CD4: variants seen among roughly 807,000 people sequenced by gnomAD.
CD4 encodes the protein T-cell surface glycoprotein CD4.
A neutral mutation model predicts 50.5 loss-of-function variants in CD4; 25 were observed. That is an observed-to-expected ratio of 0.49 (90% CI 0.36 to 0.69). The LOEUF is 0.69. Ranked by LOEUF, CD4 falls within the 30% of genes least tolerant of loss-of-function variation. The pLI is 0.00. For synonymous variants in CD4, 207 were observed against 221.9 expected, an observed-to-expected ratio of 0.93 and a Z score of 0.60; for missense variants, 456 against 548.5, an observed-to-expected ratio of 0.83 and a Z score of 1.68.
intron 1 of CD4, among the ~76,000 whole-genome samples, chr12:6,797,103 G>T (rs771013545): frequency 6.6e-6 from 1 of 152,170 alleles, no homozygotes; most frequent in Non-Finnish European, 1.5e-5. Flanking sequence ...AGCAGGTCTG[G>T]GGTGGGGCCG....
At position 6,818,290 on chromosome 12, in the gene CD4, C is replaced by T. The variant is rs1943157889; in HGVS notation, c.1157-131C>T. 1.7e-6 allele frequency: 2 copies of T among 1,190,002 alleles called. No individual in the cohort carries two copies. Among genetic ancestry groups the T allele is most frequent in the Non-Finnish European group, 1.2e-6 (1 of 842,090 alleles). 73.7% of individuals were successfully genotyped at this position (1,190,002 alleles called of 1,614,324 possible). ...AGCACTGGCGGCCTTTGAGAGCCCCCAGGCACCCCTCCCCTCTCCCCCAAC... is the reference window on the plus strand; with the variant it reads ...AGCACTGGCGGCCTTTGAGAGCCCCTAGGCACCCCTCCCCTCTCCCCCAAC... On this transcript the variant is annotated intron_variant, in intron 7 of 9. Coordinates refer to ENST00000011653, the MANE Select transcript of CD4 (RefSeq NM_000616.5). The surrounding 1 kb of genome is among the most constrained non-coding windows in gnomAD (Gnocchi z 5.0).
chr12:6,816,344 T>C lies in CD4; in HGVS notation c.896T>C (p.Leu299Pro). ...TATGCTGGCTCTGGAAACCTCACCC[T>C]GGCCCTTGAAGCGAAAACAGGAAAG... Reference protein sequence around the residue: ...PQYAGSGNLTLALEAKTGKLH... With the variant: ...PQYAGSGNLTPALEAKTGKLH... Residue 299 changes from leucine (L) to proline (P), a missense_variant, in exon 6 of 10, where the codon CTG (leucine) becomes CCG (proline). By Grantham distance (98) the Leu-to-Pro change is moderately conservative. Coordinates refer to ENST00000011653, the MANE Select transcript of CD4 (RefSeq NM_000616.5). The surrounding 1 kb of genome is among the most constrained non-coding windows in gnomAD (Gnocchi z 4.9). The C allele has an allele frequency of 6.2e-7, 1 of 1,614,000 alleles. No individual in the cohort carries two copies. The highest frequency in any genetic ancestry group is 8.5e-7 in the Non-Finnish European group (1 of 1,179,942).
At position 6,819,500 on chromosome 12, in the gene CD4, G is replaced by A. The variant is rs1943214440; in HGVS notation, c.*171G>A. On this transcript the variant is annotated 3_prime_UTR_variant, in exon 10 of 10. Transcript: ENST00000011653. ...TAGGCCCCGGCTTCACTGGTTGAGT[G>A]TTGCTCTCTAGTTTCCAGAGGCTTA... The A allele has an allele frequency of 3.1e-6, 2 of 652,828 alleles. No individual in the cohort carries two copies. Among genetic ancestry groups the A allele is most frequent in the Admixed American group, 5.0e-5 (2 of 39,612 alleles). 40.4% of individuals were successfully genotyped at this position (652,828 alleles called of 1,614,324 possible). A position where few individuals can be genotyped will look rare whatever the true frequency, so the allele number is the denominator to read the frequency against.
chr12:6,798,426 C>A (rs1417313486), intron 1 of CD4, among the ~76,000 whole-genome samples: 1 of 84,958 alleles, frequency 1.2e-5, no homozygotes, highest in East Asian at 1.9e-4. Context: ...CCCGCCTTGG[C>A]CTCCCAAAAT....
intron 1 of CD4, among the ~76,000 whole-genome samples, chr12:6,797,230 C>G (rs1942398997): frequency 6.6e-6 from 1 of 152,050 alleles, no homozygotes; most frequent in East Asian, 1.9e-4. Context: ...TTCAGAGCCT[C>G]TCTGCCCTGC....
intron 7 of CD4, among the ~76,000 whole-genome samples, chr12:6,817,601 T>C (rs1205460838): frequency 6.6e-6 from 1 of 151,316 alleles, no homozygotes; most frequent in Non-Finnish European, 1.5e-5. Context: ...GGGGTCCACC[T>C]GACCGAGAGC....
intron 1 of CD4, among the ~76,000 whole-genome samples, chr12:6,794,028 ATATCTGTC>A (rs1217460840): frequency 7.2e-6 from 1 of 138,318 alleles, no homozygotes; most frequent in African/African-American, 2.8e-5. Context: ...TAATCTATCT[ATATCTGTC>A]TATCTATCTT....
chr12:6,817,617 T>C (rs1943115304), intron 7 of CD4, among the ~76,000 whole-genome samples: 1 of 151,396 alleles, frequency 6.6e-6, no homozygotes, highest in Non-Finnish European at 1.5e-5. Flanking sequence ...AGAGCCCCCC[T>C]CCCTGGCTCC....
intron 3 of CD4, among the ~76,000 whole-genome samples, chr12:6,811,026 G>C (rs1942920697): frequency 6.6e-6 from 1 of 152,094 alleles, no homozygotes; most frequent in Non-Finnish European, 1.5e-5. Context: ...CTGAGCAGTG[G>C]GGAAGAGGAC....
intron 3 of CD4, among the ~76,000 whole-genome samples, chr12:6,812,353 C>T (rs113958797): frequency 2.6e-5 from 4 of 152,084 alleles, no homozygotes; most frequent in African/African-American, 9.6e-5. Context: ...GAGCAGAGAT[C>T]GAACACTCGA....
rs782812110 is a variant in CD4, at chr12:6,798,415, G to A, written c.-67-1657G>A. Among the ~76,000 whole-genome samples, 11 of 87,174 alleles carry A rather than the reference G, an allele frequency of 1.3e-4. 2 individuals carry two copies. Among genetic ancestry groups the A allele is most frequent in the South Asian group, 2.4e-4 (1 of 4,156 alleles). 57.2% of individuals were successfully genotyped at this position (87,174 alleles called of 152,430 possible). A position where few individuals can be genotyped will look rare whatever the true frequency, so the allele number is the denominator to read the frequency against. On this transcript the variant is annotated intron_variant, in intron 1 of 9. Coordinates refer to ENST00000011653, the MANE Select transcript of CD4 (RefSeq NM_000616.5). The stretch of plus-strand genomic sequence containing the variant: ...TCTCGATCTCCTGACCTCATGATCC[G>A]CCCGCCTTGGCCTCCCAAAATGCTG...
At chr12:6,817,675 TAC>T (rs1353418678) in intron 7 of CD4, among the ~76,000 whole-genome samples, 1 of 151,050 alleles carries the variant, frequency 6.6e-6, no homozygotes, top group Non-Finnish European at 1.5e-5. Context: ...CTCACACACA[TAC>T]ACTCTCACAC....
At chr12:6,793,970 A>ATATCTACC in intron 1 of CD4, among the ~76,000 whole-genome samples, 1 of 133,920 alleles carries the variant, frequency 7.5e-6, no homozygotes, top group East Asian at 2.1e-4. Flanking sequence ...CTATCTATCT[A>ATATCTACC]TATCTATCTA....
In CD4 at chr12:6,808,573, T is replaced by G. The variant is rs532660471; in HGVS notation, c.215-5569T>G. The stretch of plus-strand genomic sequence containing the variant: ...TCTTTTTAAAAAGCCAAGAGCTTAC[T>G]TCTGTAAGTAAAGATTATCTTAAGA... On this transcript the variant is annotated intron_variant, in intron 3 of 9. Transcript: ENST00000011653. 1.4e-3 allele frequency among the ~76,000 whole-genome samples: 210 copies of G among 151,814 alleles called. 1 individual carries two copies. Among genetic ancestry groups the G allele is most frequent in the Non-Finnish European group, 4.6e-4 (31 of 67,936 alleles).
chr12:6,791,453 G>T (rs1300802974), intron 1 of CD4, among the ~76,000 whole-genome samples: 1 of 152,192 alleles, frequency 6.6e-6, no homozygotes, highest in East Asian at 1.9e-4. Context: ...ATGTTGGACA[G>T]GCTGGCCTCA....
intron 3 of CD4, among the ~76,000 whole-genome samples, chr12:6,806,250 G>T (rs1942756389): frequency 6.6e-6 from 1 of 151,084 alleles, no homozygotes. Flanking sequence ...TATTTATTGT[G>T]AATATACATC....
rs1321840788 is a variant in CD4, at chr12:6,798,346, ATT to A, written c.-67-1720_-67-1719del. 5.3e-5 allele frequency among the ~76,000 whole-genome samples: 7 copies of A among 131,964 alleles called. 3 individuals are homozygous for A. The highest frequency in any genetic ancestry group is 7.6e-3 in the Middle Eastern group (2 of 264). The allele number at this position is 131,964 out of a possible 152,430, so 86.6% of individuals were successfully genotyped here. On this transcript the variant is annotated intron_variant, in intron 1 of 9. Coordinates refer to ENST00000011653, the MANE Select transcript of CD4 (RefSeq NM_000616.5). ...CACCACGCCCGGCTAATTTTTTTGT[ATT>A]TTTTTAGTAGAGATGGGGTTTCACC...
intron 3 of CD4, among the ~76,000 whole-genome samples, chr12:6,810,685 C>T (rs11064411): frequency 0.021 from 3,121 of 152,144 alleles, 94 homozygotes; most frequent in African/African-American, 0.07. Flanking sequence ...ACAAAAGAGG[C>T]GGAGCAAAGT....
chr12:6,801,201 T>C (rs1354734505), intron 3 of CD4, among the ~76,000 whole-genome samples: 1 of 150,052 alleles, frequency 6.7e-6, no homozygotes, highest in Non-Finnish European at 1.5e-5. Context: ...TCACTATGCC[T>C]AGCCAAAAAA....
Sources: gnomAD v4.1 joint callset for allele counts (sites outside exome capture counted in the v4.1 genomes callset) on GRCh38, gnomAD v4.1.1 for gene constraint, Gnocchi (gnomAD v3.1) non-coding constraint, MANE v1.5 for transcripts, NCBI Gene and HGNC (gene_info 2026-07-23, HGNC 2026-07-21) for gene names.